KCNK2: variants seen among roughly 807,000 people sequenced by gnomAD.
KCNK2 encodes the protein potassium two pore domain channel subfamily K member 2.
A neutral mutation model predicts 40.5 loss-of-function variants in KCNK2; 21 were observed. The ratio of observed to expected loss-of-function variants is 0.52; its 90% CI spans 0.37 to 0.75. The LOEUF (loss-of-function observed/expected upper bound fraction) is 0.75. KCNK2 is among the 30% of genes least tolerant of loss of function. KCNK2 has a pLI of 0.00. For synonymous variants in KCNK2, 191 were observed against 202.2 expected (o/e 0.94, Z 0.47); for missense variants, 399 against 531.6 (o/e 0.75, Z 2.45).
chr1:215,030,086 T>C (rs548009977), intron 1 of KCNK2, among the ~76,000 whole-genome samples: 1 of 152,330 alleles, frequency 6.6e-6, no homozygotes, highest in African/African-American at 2.4e-5. Context: ...CTCTCAGTGT[T>C]CTGGATTTGG....
At chr1:215,190,471 G>A (rs1460925480) in intron 5 of KCNK2, among the ~76,000 whole-genome samples, 1 of 152,180 alleles carries the variant, frequency 6.6e-6, no homozygotes, top group Non-Finnish European at 1.5e-5. Flanking sequence ...CAATGAAGGA[G>A]CCTGTGTTTT....
intron 2 of KCNK2, among the ~76,000 whole-genome samples, chr1:215,090,080 C>A (rs552323651): frequency 1.3e-5 from 2 of 152,226 alleles, no homozygotes; most frequent in South Asian, 4.1e-4. Context: ...CCTGCCTCAG[C>A]CTCCCAAAGA....
intron 6 of KCNK2, among the ~76,000 whole-genome samples, chr1:215,229,873 T>A (rs1267481951): frequency 6.6e-6 from 1 of 151,734 alleles, no homozygotes; most frequent in African/African-American, 2.4e-5. Context: ...TGCTCTGCAC[T>A]CCTCTAAAAG....
At chr1:215,116,895 T>C (rs1558098554) in intron 2 of KCNK2, among the ~76,000 whole-genome samples, 1 of 152,016 alleles carries the variant, frequency 6.6e-6, no homozygotes, top group Non-Finnish European at 1.5e-5. Flanking sequence ...TATCAGTCTC[T>C]AAGTGTAGTA....
At chr1:215,152,678 A>C (rs1662734897) in intron 3 of KCNK2, among the ~76,000 whole-genome samples, 1 of 152,184 alleles carries the variant, frequency 6.6e-6, no homozygotes, top group South Asian at 2.1e-4. Context: ...AATTGAACAG[A>C]AATCTTATTG....
At chr1:215,123,418 A>G (rs1338253752) in intron 2 of KCNK2, among the ~76,000 whole-genome samples, 1 of 151,358 alleles carries the variant, frequency 6.6e-6, no homozygotes, top group East Asian at 1.9e-4. Flanking sequence ...TTTTTTTTAC[A>G]AAGATCATAT....
chr1:215,214,817 A>C (rs776712327), intron 6 of KCNK2, among the ~76,000 whole-genome samples: 2 of 152,050 alleles, frequency 1.3e-5, no homozygotes, highest in Non-Finnish European at 2.9e-5. Context: ...TGGGAGTGAG[A>C]CCTTGTCTCA....
chr1:215,231,407 C>T (rs866941226), intron 6 of KCNK2, among the ~76,000 whole-genome samples: 3 of 152,008 alleles, frequency 2.0e-5, no homozygotes, highest in Non-Finnish European at 4.4e-5. Context: ...AGGTCTATGT[C>T]ATGAGATTGT....
intron 2 of KCNK2, among the ~76,000 whole-genome samples, chr1:215,122,235 A>G (rs1467086958): frequency 1.3e-5 from 2 of 152,138 alleles, no homozygotes; most frequent in African/African-American, 4.8e-5. Flanking sequence ...TTTTTCATTT[A>G]TAGATTTCAT....
At chr1:215,037,636 A>C (rs115252844) in intron 1 of KCNK2, among the ~76,000 whole-genome samples, 1 of 151,990 alleles carries the variant, frequency 6.6e-6, no homozygotes, top group Admixed American at 6.6e-5. Flanking sequence ...AGAAATCACC[A>C]GTGAAGTTAC....
At chr1:215,128,114 A>G (rs1661513262) in intron 3 of KCNK2, among the ~76,000 whole-genome samples, 1 of 152,210 alleles carries the variant, frequency 6.6e-6, no homozygotes. Flanking sequence ...AACACTTTAC[A>G]TAGATATTGG....
At chr1:215,150,626 A>C (rs1320980500) in intron 3 of KCNK2, among the ~76,000 whole-genome samples, 1 of 152,086 alleles carries the variant, frequency 6.6e-6, no homozygotes, top group Admixed American at 6.6e-5. Flanking sequence ...AATATCATGA[A>C]TAAATATTTT....
At chr1:215,037,034 T>C (rs1351800419) in intron 1 of KCNK2, among the ~76,000 whole-genome samples, 2 of 148,480 alleles carry the variant, frequency 1.3e-5, no homozygotes, top group Non-Finnish European at 3.0e-5. Flanking sequence ...TTGTACTTGC[T>C]AAAATCCCAG....
intron 5 of KCNK2, among the ~76,000 whole-genome samples, chr1:215,179,142 G>A (rs1664117356): frequency 6.6e-6 from 1 of 151,954 alleles, no homozygotes; most frequent in Non-Finnish European, 1.5e-5. Context: ...TGTGTGCATA[G>A]AAATGTTCAT....
At chr1:215,026,330 G>A (rs1656999196) in intron 1 of KCNK2, among the ~76,000 whole-genome samples, 1 of 151,902 alleles carries the variant, frequency 6.6e-6, no homozygotes, top group African/African-American at 2.4e-5. Context: ...AGTATCTTCT[G>A]CTACACAAGT....
At chr1:215,030,891 T>C (rs1458917243) in intron 1 of KCNK2, among the ~76,000 whole-genome samples, 2 of 152,096 alleles carry the variant, frequency 1.3e-5, no homozygotes, top group Non-Finnish European at 2.9e-5. Context: ...GTGTTTTACA[T>C]TCGGTTCTGT....
intron 1 of KCNK2, among the ~76,000 whole-genome samples, chr1:215,033,862 C>T (rs1184227480): frequency 1.3e-5 from 2 of 152,210 alleles, no homozygotes; most frequent in African/African-American, 4.8e-5. Context: ...CTGTCTGAAG[C>T]ATGAGGGAAT....
At chr1:215,066,778 T>C (rs1256927698) in intron 1 of KCNK2, among the ~76,000 whole-genome samples, 1 of 152,164 alleles carries the variant, frequency 6.6e-6, no homozygotes, top group African/African-American at 2.4e-5. Context: ...TCAGGCCAGG[T>C]AGTAGATTTT....
intron 3 of KCNK2, among the ~76,000 whole-genome samples, chr1:215,131,093 C>T (rs941784181): frequency 6.6e-6 from 1 of 150,920 alleles, no homozygotes; most frequent in Non-Finnish European, 1.5e-5. Context: ...ATCTCCTGAC[C>T]TTGTGATCCG....
Sources: allele counts gnomAD v4.1 joint callset (sites outside exome capture counted in the v4.1 genomes callset), GRCh38; gene constraint gnomAD v4.1.1; transcripts MANE v1.5; gene names NCBI Gene and HGNC (gene_info 2026-07-23, HGNC 2026-07-21).